The following TCERG1L variants were observed in gnomAD, a reference collection of about 807,000 sequenced individuals.
TCERG1L encodes the protein transcription elongation regulator 1-like protein.
A neutral mutation model predicts 56.3 loss-of-function variants in TCERG1L; 37 were observed. That is an observed-to-expected ratio of 0.66 (90% CI 0.51 to 0.87). The LOEUF is 0.87. TCERG1L is among the 40% of genes least tolerant of loss of function. The probability of loss-of-function intolerance (pLI) is 0.00; values close to 1 mark genes in which losing one functional copy is unlikely to be tolerated. For synonymous variants in TCERG1L, 324 were observed against 326.3 expected, an observed-to-expected ratio of 0.99 and a Z score of 0.08; for missense variants, 799 against 774.2, an observed-to-expected ratio of 1.03 and a Z score of -0.38.
chr10:131,171,660 C>T (rs1445947274), intron 4 of TCERG1L, among the ~76,000 whole-genome samples: 1 of 152,136 alleles, frequency 6.6e-6, no homozygotes, highest in Non-Finnish European at 1.5e-5. Context: ...AAGTGATTCT[C>T]CTGTCCTTCA....
intron 4 of TCERG1L, among the ~76,000 whole-genome samples, chr10:131,222,939 CG>C (rs1288730087): frequency 6.6e-6 from 1 of 152,138 alleles, no homozygotes. Context: ...GGTTTAACCC[CG>C]CCCCGCCTGT....
chr10:131,214,428 G>A (rs1845648001), intron 4 of TCERG1L, among the ~76,000 whole-genome samples: 1 of 152,148 alleles, frequency 6.6e-6, no homozygotes. Flanking sequence ...CTCTTGATTA[G>A]CAAGCCTACC....
intron 4 of TCERG1L, among the ~76,000 whole-genome samples, chr10:131,257,683 G>A (rs1846187329): frequency 6.6e-6 from 1 of 151,580 alleles, no homozygotes; most frequent in African/African-American, 2.4e-5. Flanking sequence ...TTGTAGGATT[G>A]TGGCATCTTC....
chr10:131,257,695 C>T (rs1846187575), intron 4 of TCERG1L, among the ~76,000 whole-genome samples: 1 of 151,742 alleles, frequency 6.6e-6, no homozygotes, highest in Admixed American at 6.6e-5. Context: ...GGCATCTTCC[C>T]TGGCTTCTAC....
At chr10:131,299,522 G>A (rs556429789) in intron 3 of TCERG1L, among the ~76,000 whole-genome samples, 16 of 151,528 alleles carry the variant, frequency 1.1e-4, no homozygotes, top group Admixed American at 5.3e-4. Context: ...TATATCTTTC[G>A]AAGATAAAGT....
At chr10:131,304,733 A>T (rs1846802851) in intron 3 of TCERG1L, among the ~76,000 whole-genome samples, 1 of 152,056 alleles carries the variant, frequency 6.6e-6, no homozygotes, top group Admixed American at 6.5e-5. Flanking sequence ...GCATGCTTGG[A>T]TGTATTTGTC....
chr10:131,226,639 C>T (rs542601434), intron 4 of TCERG1L, among the ~76,000 whole-genome samples: 3 of 152,270 alleles, frequency 2.0e-5, no homozygotes, highest in East Asian at 3.9e-4. Flanking sequence ...GAGCAGCTGG[C>T]GTGAGGGAGG....
intron 3 of TCERG1L, among the ~76,000 whole-genome samples, chr10:131,265,422 G>A (rs1846275436): frequency 3.3e-5 from 5 of 152,310 alleles, no homozygotes; most frequent in Admixed American, 2.6e-4. Flanking sequence ...TCAACAGAAT[G>A]ATTTACATCA....
chr10:131,201,838 G>A (rs1845439538), intron 4 of TCERG1L, among the ~76,000 whole-genome samples: 1 of 152,134 alleles, frequency 6.6e-6, no homozygotes, highest in Admixed American at 6.6e-5. Context: ...GCTAAACATG[G>A]CTGCTCTTTT....
intron 4 of TCERG1L, among the ~76,000 whole-genome samples, chr10:131,225,132 C>T (rs1426830388): frequency 6.6e-6 from 1 of 152,196 alleles, no homozygotes; most frequent in African/African-American, 2.4e-5. Context: ...CTCACTCCCA[C>T]CCCGTGGCAG....
At chr10:131,233,413 TAC>T (rs908198531) in intron 4 of TCERG1L, among the ~76,000 whole-genome samples, 6 of 151,474 alleles carry the variant, frequency 4.0e-5, no homozygotes, top group African/African-American at 1.5e-4. Flanking sequence ...GAATATCCAT[TAC>T]ACACACACAT....
chr10:131,275,413 G>A (rs936619867), intron 3 of TCERG1L, among the ~76,000 whole-genome samples: 8 of 152,186 alleles, frequency 5.3e-5, no homozygotes, highest in African/African-American at 1.4e-4. Context: ...AGCTTTGTAC[G>A]TCAGTTTAGG....
intron 7 of TCERG1L, among the ~76,000 whole-genome samples, chr10:131,137,705 T>C (rs1845691527): frequency 6.6e-6 from 1 of 152,252 alleles, no homozygotes; most frequent in Non-Finnish European, 1.5e-5. Flanking sequence ...GGTAATTTTT[T>C]AGGGTTTTAA....
At chr10:131,117,484 A>C (rs2133390686) in intron 8 of TCERG1L, among the ~76,000 whole-genome samples, 2 of 152,282 alleles carry the variant, frequency 1.3e-5, no homozygotes, top group South Asian at 4.1e-4. Flanking sequence ...GGAGGCTGGG[A>C]CCCCTCCTCA....
chr10:131,126,682 C>T lies in TCERG1L; in HGVS notation c.1259+7697G>A, dbSNP rs190573525. Among the ~76,000 whole-genome samples the T allele has an allele frequency of 2.1e-4, 32 of 152,314 alleles. 1 individual carries two copies. The highest frequency in any genetic ancestry group is 3.8e-4 in the Non-Finnish European group (26 of 68,032). On this transcript the variant is annotated intron_variant, in intron 8 of 11. Coordinates refer to ENST00000368642, the MANE Select transcript of TCERG1L (RefSeq NM_174937.4). ...GAGGCCCTTGAGCACCTCCCCAGGA[C>T]ATGTTTCTGCACCTGTAACTTGTGC...
At chr10:131,290,432 G>C (rs886990924) in intron 3 of TCERG1L, among the ~76,000 whole-genome samples, 1 of 152,062 alleles carries the variant, frequency 6.6e-6, no homozygotes, top group African/African-American at 2.4e-5. Flanking sequence ...GGGAATTCGA[G>C]ACCAGCCTGA....
chr10:131,109,483 T>TCTGTGTCTGTGG (rs1220855605), intron 9 of TCERG1L, among the ~76,000 whole-genome samples: 1 of 152,086 alleles, frequency 6.6e-6, no homozygotes, highest in Non-Finnish European at 1.5e-5. Flanking sequence ...TGTGTCTGTG[T>TCTGTGTCTGTGG]CTGTGTCTGT....
rs780290831 is a variant in TCERG1L at position 131,092,394 on chromosome 10, G to A, written c.*768C>T. ...GTCTTAGTCACACATACACACACTG[G>A]TTTAAAATATTTATTGATTAAAAAA... On this transcript the variant is annotated 3_prime_UTR_variant, in exon 12 of 12. Coordinates refer to ENST00000368642, the MANE Select transcript of TCERG1L (RefSeq NM_174937.4). 6.6e-6 allele frequency: 1 copy of A among 152,378 alleles called. No homozygotes were observed. Among genetic ancestry groups the A allele is most frequent in the Non-Finnish European group, 1.5e-5 (1 of 68,020 alleles). The allele number at this position is 152,378 out of a possible 1,614,324, so 9.4% of individuals were successfully genotyped here.
chr10:131,196,766 T>G (rs1845367946), intron 4 of TCERG1L, among the ~76,000 whole-genome samples: 1 of 152,204 alleles, frequency 6.6e-6, no homozygotes, highest in Non-Finnish European at 1.5e-5. Flanking sequence ...CTACAAGGAA[T>G]AAACATTCTA....
Sources: allele counts gnomAD v4.1 joint callset (sites outside exome capture counted in the v4.1 genomes callset), GRCh38; gene constraint gnomAD v4.1.1; transcripts MANE v1.5; gene names NCBI Gene and HGNC (gene_info 2026-07-23, HGNC 2026-07-21).